Variants in SGPP2 observed in about 807,000 individuals in gnomAD.
SGPP2 encodes sphingosine 1-phosphate phosphohydrolase 2.
A neutral mutation model predicts 33.9 loss-of-function variants in SGPP2; 30 were observed. The observed-to-expected ratio is 0.89, with a 90% CI of 0.66 to 1.20. The LOEUF (loss-of-function observed/expected upper bound fraction) is 1.20. Ranked by LOEUF, SGPP2 falls within the 50% of genes most tolerant of loss-of-function variation. The pLI is 0.00. For missense variants in SGPP2, 458 were observed against 532.1 expected (o/e 0.86, Z 1.37); for synonymous variants, 233 against 225.0 (o/e 1.04, Z -0.32).
chr2:222,548,518 TG>T (rs770791366), intron 4 of SGPP2, among the ~76,000 whole-genome samples: 8 of 152,006 alleles, frequency 5.3e-5, no homozygotes, highest in Non-Finnish European at 1.2e-4. Context: ...GTAACAATGC[TG>T]GGATATCTAA....
At chr2:222,545,730 T>C (rs1177085114) in intron 4 of SGPP2, among the ~76,000 whole-genome samples, 1 of 152,206 alleles carries the variant, frequency 6.6e-6, no homozygotes, top group Admixed American at 6.5e-5. Flanking sequence ...AAAGAATTAA[T>C]ATCTATCCTT....
intron 1 of SGPP2, among the ~76,000 whole-genome samples, chr2:222,425,364 C>T (rs925602977): frequency 2.8e-4 from 43 of 152,218 alleles, no homozygotes; most frequent in African/African-American, 1.0e-3. Flanking sequence ...TGCACTACCC[C>T]CGGCGATGAT....
At chr2:222,537,382 A>T (rs1255072478) in intron 4 of SGPP2, among the ~76,000 whole-genome samples, 1 of 152,236 alleles carries the variant, frequency 6.6e-6, no homozygotes, top group Non-Finnish European at 1.5e-5. Flanking sequence ...TGAATCAATG[A>T]GCAAAAGCCC....
intron 1 of SGPP2, chr2:222,453,187 AG>A: frequency 1.3e-6 from 1 of 779,072 alleles, no homozygotes; most frequent in Non-Finnish European, 2.4e-6. Flanking sequence ...GACATTTGCA[AG>A]GATGGATAGT....
At chr2:222,506,589 A>G (rs953651556) in intron 2 of SGPP2, among the ~76,000 whole-genome samples, 13 of 152,206 alleles carry the variant, frequency 8.5e-5, no homozygotes, top group Admixed American at 8.5e-4. Context: ...AATACATATA[A>G]CAAACAAAAT....
chr2:222,543,256 C>T (rs1374829525), intron 4 of SGPP2, among the ~76,000 whole-genome samples: 1 of 152,004 alleles, frequency 6.6e-6, no homozygotes, highest in Non-Finnish European at 1.5e-5. Context: ...CCTTTTTGTT[C>T]TACATGAATA....
At chr2:222,534,085 C>T (rs1698879132) in intron 4 of SGPP2, among the ~76,000 whole-genome samples, 2 of 152,184 alleles carry the variant, frequency 1.3e-5, no homozygotes. Context: ...ATGCTCTCTG[C>T]ATCTATAGCA....
At chr2:222,451,536 G>A (rs916056420) in intron 1 of SGPP2, among the ~76,000 whole-genome samples, 1 of 152,218 alleles carries the variant, frequency 6.6e-6, no homozygotes, top group Non-Finnish European at 1.5e-5. Context: ...GATGTCTGAA[G>A]GGCTGATGTG....
intron 2 of SGPP2, among the ~76,000 whole-genome samples, chr2:222,510,522 T>G (rs1273119072): frequency 6.6e-6 from 1 of 152,208 alleles, no homozygotes; most frequent in African/African-American, 2.4e-5. Flanking sequence ...AATAATCATA[T>G]GCTCCTGTTA....
intron 2 of SGPP2, among the ~76,000 whole-genome samples, chr2:222,517,378 G>A (rs182340553): frequency 1.1e-4 from 16 of 152,252 alleles, no homozygotes; most frequent in Middle Eastern, 3.4e-3. Context: ...TCTGAACATC[G>A]AGAGGAGTTC....
In SGPP2 at chr2:222,441,716, A is replaced by G. The variant is rs1298920074; in HGVS notation, c.219+16895A>G. 3.9e-5 allele frequency among the ~76,000 whole-genome samples: 6 copies of G among 152,172 alleles called. No homozygotes were observed. The East Asian group carries it at 1.2e-3, about 29-fold the overall frequency. ...GAATTTTATGTTTAGAAAAAATTAA[A>G]TTATTTTAATTTTATAAAAAGATTC... is the stretch of plus-strand genomic sequence containing the variant. On this transcript the variant is annotated intron_variant, in intron 1 of 4. Transcript: ENST00000321276.
At chr2:222,510,117 G>A (rs1012006769) in intron 2 of SGPP2, among the ~76,000 whole-genome samples, 1 of 152,136 alleles carries the variant, frequency 6.6e-6, no homozygotes, top group Non-Finnish European at 1.5e-5. Flanking sequence ...CCTATCAGTC[G>A]ATGGACATTT....
chr2:222,438,809 A>C (rs915519158), intron 1 of SGPP2, among the ~76,000 whole-genome samples: 2 of 152,172 alleles, frequency 1.3e-5, no homozygotes, highest in Non-Finnish European at 2.9e-5. Context: ...TAATCTCCGC[A>C]GTTCCTCCAG....
At chr2:222,474,831 T>C in intron 2 of SGPP2, 105 bp downstream of exon 2, 1 of 783,230 alleles carries the variant, frequency 1.3e-6, no homozygotes. Context: ...TTTTTTTTTT[T>C]ACCACTTAGA....
chr2:222,522,658 C>T (rs1042740566), intron 3 of SGPP2, among the ~76,000 whole-genome samples: 2 of 152,014 alleles, frequency 1.3e-5, no homozygotes, highest in Non-Finnish European at 2.9e-5. Context: ...ATCTTTTACC[C>T]ATTGGATGTT....
intron 1 of SGPP2, among the ~76,000 whole-genome samples, chr2:222,462,884 A>G (rs922856731): frequency 6.6e-6 from 1 of 152,130 alleles, no homozygotes; most frequent in Non-Finnish European, 1.5e-5. Flanking sequence ...GCAGGGTCGG[A>G]GGAGGTAGTC....
chr2:222,466,191 CACAGT>C (rs1365167982), intron 1 of SGPP2, among the ~76,000 whole-genome samples: 4 of 150,096 alleles, frequency 2.7e-5, no homozygotes, highest in Non-Finnish European at 5.9e-5. Context: ...CTGAAGCATA[CACAGT>C]AAATGAATGT....
chr2:222,493,392 G>T (rs751694171), intron 2 of SGPP2, among the ~76,000 whole-genome samples: 2 of 152,146 alleles, frequency 1.3e-5, no homozygotes, highest in Non-Finnish European at 2.9e-5. Flanking sequence ...TCACTATCAC[G>T]AGAACAGCAT....
In SGPP2 at chr2:222,561,294, G is replaced by A. The variant is rs1023885754; in HGVS notation, c.*2396G>A. Among the ~76,000 whole-genome samples the A allele has an allele frequency of 2.0e-5, 3 of 152,022 alleles. No homozygotes were observed. Among genetic ancestry groups the A allele is most frequent in the African/African-American group, 7.2e-5 (3 of 41,402 alleles). ...TTACAGGTACTCCCAGCCTTCATCTGCCCCTGCAGAGCAGTGGCTGTCAGC... is the reference window on the plus strand; with the variant it reads ...TTACAGGTACTCCCAGCCTTCATCTACCCCTGCAGAGCAGTGGCTGTCAGC... On this transcript the variant is annotated 3_prime_UTR_variant, in exon 5 of 5. Coordinates refer to ENST00000321276, the MANE Select transcript of SGPP2 (RefSeq NM_152386.4).
Sources: allele counts gnomAD v4.1 joint callset (sites outside exome capture counted in the v4.1 genomes callset), GRCh38; gene constraint gnomAD v4.1.1; transcripts MANE v1.5; gene names NCBI Gene and HGNC (gene_info 2026-07-23, HGNC 2026-07-21).